The following KIF7 variants were observed in gnomAD, a reference collection of about 807,000 sequenced individuals.
KIF7 encodes kinesin-like protein KIF7.
In KIF7, 104 loss-of-function variants were observed where a neutral mutation model predicts 135.7. That is an observed-to-expected ratio of 0.77 (90% confidence interval 0.65 to 0.90). The LOEUF (loss-of-function observed/expected upper bound fraction) is 0.90. Among genes scored for constraint, KIF7 ranks in the 40% least tolerant of loss-of-function variants. The pLI is 0.00. For synonymous variants in KIF7, 883 were observed against 809.4 expected (o/e 1.09, Z -1.54); for missense variants, 2,005 against 1,839.1 (o/e 1.09, Z -1.65).
At chr15:89,649,455 C>A in intron 3 of KIF7, 88 bp from the exon 4 acceptor site, 3 of 1,372,642 alleles carry the variant, frequency 2.2e-6, no homozygotes, top group Non-Finnish European at 2.9e-6. Flanking sequence ...TAGCCCCAAA[C>A]CTGCCCTTCC....
the KIF7 span, among the ~76,000 whole-genome samples, chr15:89,660,700 A>G: frequency 1.1e-4 from 17 of 152,232 alleles, no homozygotes; most frequent in Non-Finnish European, 8.8e-5. Flanking sequence ...ACTATCGTTC[A>G]GCAAAGAGTT....
rs1963936773 is a variant in KIF7, at chr15:89,642,277, G to T, written c.2320C>A (p.Leu774Ile). ...RQLRELEGKE[L>I]QDAGERSRLQ... ...CGAGACCGCTCGCCAGCATCCTGGAGCTCCTTGCCCTCGAGCTCCCGCAGC... is the reference window on the plus strand; with the variant it reads ...CGAGACCGCTCGCCAGCATCCTGGATCTCCTTGCCCTCGAGCTCCCGCAGC... The change falls in exon 11 of 19, where the codon CTC becomes ATC. Residue 774 changes from leucine to isoleucine, a missense_variant. Leu to Ile is a conservative substitution (Grantham distance 5, BLOSUM62 2). Coordinates refer to ENST00000394412, the MANE Select transcript of KIF7 (RefSeq NM_198525.3). The T allele has an allele frequency of 6.2e-7, 1 of 1,610,448 alleles. No individual in the cohort carries two copies. The highest frequency in any genetic ancestry group is 1.3e-5 in the African/African-American group (1 of 75,018).
chr15:89,649,054 C>A lies in KIF7; in HGVS notation c.843G>T (p.Ala281=). 6.5e-7 allele frequency: 1 copy of A among 1,548,202 alleles called. No individual in the cohort carries two copies. Among genetic ancestry groups the A allele is most frequent in the Non-Finnish European group, 8.7e-7 (1 of 1,146,764 alleles). ...ESIQINSSLL[A]LGNVISALGD... is the part of the protein sequence containing the mutation. Reference sequence around the variant, plus strand: ...CCAGGGCGCTGATGACGTTGCCCAGCGCCAGGAGGCTGCTGTTGATCTGGA... The same window carrying A: ...CCAGGGCGCTGATGACGTTGCCCAGAGCCAGGAGGCTGCTGTTGATCTGGA... The change falls in exon 4 of 19, where the codon GCG becomes GCT. Residue 281 remains alanine (A), a synonymous_variant. Coordinates refer to ENST00000394412, the MANE Select transcript of KIF7 (RefSeq NM_198525.3).
downstream of KIF7, chr15:89,624,410 G>A (rs200821083): frequency 1.7e-5 from 27 of 1,614,062 alleles, no homozygotes; most frequent in Non-Finnish European, 2.2e-5. Context: ...CTCTCACAGA[G>A]AGCTACATTG....
At position 89,633,245 on chromosome 15, in the gene KIF7, G is replaced by C; in HGVS notation, c.2614C>G (p.Gln872Glu). Residue 872 changes from glutamine (Q) to glutamate (E), a missense_variant, in exon 13 of 19, where the codon CAA becomes GAA. Gln to Glu is a conservative substitution (Grantham distance 29). Transcript: ENST00000394412. ...RVKELELKHEQQQKILKIKTE... is the reference protein window; with the variant it reads ...RVKELELKHEEQQKILKIKTE... ...TTAATCTTCAGGATCTTCTGCTGTTGCTCATGCTTCAGCTCCAGCTCCTGG... is the reference window on the plus strand; with the variant it reads ...TTAATCTTCAGGATCTTCTGCTGTTCCTCATGCTTCAGCTCCAGCTCCTGG... 2 of 1,579,534 alleles carry C rather than the reference G, an allele frequency of 1.3e-6. No homozygotes were observed. Among genetic ancestry groups the C allele is most frequent in the Non-Finnish European group, 1.7e-6 (2 of 1,165,422 alleles).
At position 89,628,698 on chromosome 15, in the gene KIF7, C is replaced by A. The variant is rs140121479; in HGVS notation, c.3753G>T (p.Leu1251=). Residue 1251 remains leucine (L), a synonymous_variant, in exon 19 of 19, where the codon CTG becomes CTT. Transcript: ENST00000394412. The stretch of plus-strand genomic sequence containing the variant: ...GGGGGGCCCCCTCAGTGAGGGGGGA[C>A]AGCCAGAGAAGCTCGGGTGCCAGGT... ...ELHLAPELLW[L]SPLTEGAPRT... is the part of the protein sequence containing the mutation. The A allele has an allele frequency of 6.2e-6, 10 of 1,612,964 alleles. No individual in the cohort carries two copies. The Middle Eastern group carries it at 1.2e-3, about 186-fold the overall frequency.
chr15:89,649,628 G>T, intron 3 of KIF7, 113 bp downstream of exon 3: 1 of 1,239,858 alleles, frequency 8.1e-7, no homozygotes, highest in African/African-American at 1.5e-5. Flanking sequence ...ACCTCCCAGG[G>T]CTTGGGTTTT....
the KIF7 span, among the ~76,000 whole-genome samples, chr15:89,661,724 CTTTTT>C: frequency 6.9e-6 from 1 of 145,912 alleles, no homozygotes; most frequent in Non-Finnish European, 1.5e-5. Flanking sequence ...TTGTAACTAA[CTTTTT>C]TTTTTTTTTG....
At chr15:89,648,936 C>CGGCCCCCA in intron 4 of KIF7, 38 bp downstream of exon 4, 1 of 1,497,114 alleles carries the variant, frequency 6.7e-7, no homozygotes, top group East Asian at 2.5e-5. Context: ...CCCGCCTCCC[C>CGGCCCCCA]GGCCCCCAGG....
intron 1 of KIF7, among the ~76,000 whole-genome samples, chr15:89,622,059 T>C (rs1963435908): frequency 7.2e-6 from 1 of 139,038 alleles, no homozygotes; most frequent in South Asian, 2.3e-4. Flanking sequence ...CGATCTCAGC[T>C]CACTGCAACC....
intron 1 of KIF7, chr15:89,618,288 G>C: frequency 7.6e-7 from 1 of 1,310,964 alleles, no homozygotes; most frequent in Non-Finnish European, 1.1e-6. Context: ...TTGTTACTTG[G>C]CATATCCTAA....
chr15:89,654,330 G>GA (rs56346950), intron 1 of KIF7, among the ~76,000 whole-genome samples: 139,050 of 144,024 alleles, frequency 0.97, 67,199 homozygotes, highest in East Asian at 1. Context: ...ATATTAAGGG[G>GA]AAAAAAAAAA....
intron 1 of KIF7, among the ~76,000 whole-genome samples, chr15:89,618,502 T>C (rs1158795014): frequency 6.6e-6 from 1 of 152,244 alleles, no homozygotes; most frequent in Non-Finnish European, 1.5e-5. Context: ...ATAACTTTGT[T>C]GGAGCTTTTC....
chr15:89,631,206 C>T (rs967010849), intron 15 of KIF7: 3 of 448,002 alleles, frequency 6.7e-6, no homozygotes, highest in Admixed American at 3.7e-5. Flanking sequence ...GAAGCCGAGA[C>T]GTGTGGGCAG....
chr15:89,648,170 G>A (rs1964049900), intron 5 of KIF7, 85 bp downstream of exon 5: 6 of 1,363,880 alleles, frequency 4.4e-6, no homozygotes, highest in South Asian at 3.3e-5. Context: ...AGGCAGGGGC[G>A]CAGCTGCTGT....
chr15:89,646,780 T>C (rs1039176054), intron 7 of KIF7, 50 bp downstream of exon 7: 11 of 1,568,438 alleles, frequency 7.0e-6, no homozygotes, highest in Non-Finnish European at 9.7e-6. Flanking sequence ...TGCCCCGAAC[T>C]TGACCAGTCC....
At chr15:89,624,430 C>G (rs775299966), downstream of KIF7, 9 of 1,614,152 alleles carry the variant, frequency 5.6e-6, no homozygotes, top group African/African-American at 1.1e-4. Flanking sequence ...GGACACCGTC[C>G]CTCCTCCACC....
upstream of KIF7, among the ~76,000 whole-genome samples, chr15:89,658,856 C>G (rs1052519526): frequency 1.3e-5 from 2 of 151,450 alleles, no homozygotes; most frequent in Admixed American, 6.6e-5. Flanking sequence ...AGAGTGAGAC[C>G]CTGTCTCAAA....
At position 89,628,698 on chromosome 15, in the gene KIF7, C is replaced by G. The variant is rs140121479; in HGVS notation, c.3753G>C (p.Leu1251=). 4.3e-6 allele frequency: 7 copies of G among 1,613,080 alleles called. No individual in the cohort carries two copies. In the East Asian group the frequency reaches 1.3e-4, roughly 31 times the overall value. ...ELHLAPELLW[L]SPLTEGAPRT... ...GGGGGGCCCCCTCAGTGAGGGGGGACAGCCAGAGAAGCTCGGGTGCCAGGT... is the reference window on the plus strand; with the variant it reads ...GGGGGGCCCCCTCAGTGAGGGGGGAGAGCCAGAGAAGCTCGGGTGCCAGGT... The change falls in exon 19 of 19, where the codon CTG becomes CTC. Residue 1251 remains leucine, a synonymous_variant. Transcript: ENST00000394412.
Sources: gnomAD v4.1 joint callset for allele counts (sites outside exome capture counted in the v4.1 genomes callset) on GRCh38, gnomAD v4.1.1 for gene constraint, MANE v1.5 for transcripts, NCBI Gene and HGNC (gene_info 2026-07-23, HGNC 2026-07-21) for gene names.